Variants in ARFGEF2 observed in about 807,000 individuals in gnomAD.
ARFGEF2 encodes the protein brefeldin A-inhibited guanine nucleotide-exchange protein 2.
ARFGEF2 carries 74 observed loss-of-function variants against 219.9 expected under a neutral mutation model. That is an observed-to-expected ratio of 0.34 (90% CI 0.28 to 0.41). ARFGEF2 has a LOEUF of 0.41. Among genes scored for constraint, ARFGEF2 ranks in the 10% least tolerant of loss-of-function variants. The pLI is 1.00. For synonymous variants in ARFGEF2, 733 were observed against 799.2 expected, an observed-to-expected ratio of 0.92 and a Z score of 1.40; for missense variants, 1,743 against 2,218.3, an observed-to-expected ratio of 0.79 and a Z score of 4.30.
At chr20:49,016,174 C>T (rs2091528559) in intron 30 of ARFGEF2, 106 bp from the exon 31 acceptor site, 13 of 1,152,124 alleles carry the variant, frequency 1.1e-5, no homozygotes, top group Non-Finnish European at 1.4e-5. Context: ...ATTCTTGATA[C>T]ATATCACCAA....
chr20:48,988,453 ATGT>A, intron 17 of ARFGEF2, 35 bp from the exon 18 acceptor site: 1 of 1,610,366 alleles, frequency 6.2e-7, no homozygotes, highest in East Asian at 2.2e-5. Context: ...GGGCAATTGG[ATGT>A]TTTTTAAATG....
At chr20:48,942,586 G>A (rs1321826058) in intron 3 of ARFGEF2, among the ~76,000 whole-genome samples, 1 of 149,532 alleles carries the variant, frequency 6.7e-6, no homozygotes, top group Non-Finnish European at 1.5e-5. Context: ...TCGGGTTCAA[G>A]GGATTCTCCT....
Position 49,025,316 on chromosome 20 carries a change from G to A in ARFGEF2, c.4759G>A (p.Asp1587Asn), listed in dbSNP as rs778490868. The A allele has an allele frequency of 1.2e-6, 2 of 1,609,738 alleles. No homozygotes were observed. Among genetic ancestry groups the A allele is most frequent in the South Asian group, 1.1e-5 (1 of 90,278 alleles). ...DAEHMVAAQQ[D>N]TLDADIHIET... ...TATCCTCTGTCCTGTCCTCTAGCAAGACACGCTGGATGCAGATATCCACAT... is the reference window on the plus strand; with the variant it reads ...TATCCTCTGTCCTGTCCTCTAGCAAAACACGCTGGATGCAGATATCCACAT... Residue 1587 changes from aspartate to asparagine, a missense_variant, in exon 36 of 39, where the codon GAC becomes AAC. Coordinates refer to ENST00000371917, the MANE Select transcript of ARFGEF2 (RefSeq NM_006420.3).
chr20:48,974,938 A>G (rs1159503166), intron 13 of ARFGEF2, 64 bp downstream of exon 13: 1 of 1,325,676 alleles, frequency 7.5e-7, no homozygotes, highest in Non-Finnish European at 1.1e-6. Flanking sequence ...TGCTAGGAAC[A>G]GTTGTCTTAG....
At chr20:48,974,073 T>C (rs1031895912) in intron 12 of ARFGEF2, among the ~76,000 whole-genome samples, 2 of 152,004 alleles carry the variant, frequency 1.3e-5, no homozygotes, top group African/African-American at 4.8e-5. Flanking sequence ...TTCTCCTTTT[T>C]TTCAGTCACT....
intron 30 of ARFGEF2, among the ~76,000 whole-genome samples, chr20:49,014,384 T>C (rs2091518224): frequency 6.6e-6 from 1 of 152,080 alleles, no homozygotes; most frequent in Non-Finnish European, 1.5e-5. Flanking sequence ...GTTTGATGCC[T>C]GTAGGTATTT....
rs138406364 is a variant in ARFGEF2, at chr20:48,931,481, T to C, written c.121+9471T>C. On this transcript the variant is annotated intron_variant, in intron 1 of 38. Transcript: ENST00000371917. ...AAGGCAGATAGTAAATGAACTGATA[T>C]ATAATATGTCAAGGGTGATAAATAC... 2.2e-3 allele frequency among the ~76,000 whole-genome samples: 338 copies of C among 152,220 alleles called. 1 individual carries two copies. Among genetic ancestry groups the C allele is most frequent in the African/African-American group, 7.9e-3 (330 of 41,536 alleles).
At chr20:49,023,910 A>G (rs979925429) in intron 35 of ARFGEF2, among the ~76,000 whole-genome samples, 6 of 152,040 alleles carry the variant, frequency 3.9e-5, no homozygotes, top group Admixed American at 2.0e-4. Context: ...TCCTTCAAGA[A>G]TTTCGCTTTT....
intron 1 of ARFGEF2, among the ~76,000 whole-genome samples, chr20:48,927,705 AAAAT>A (rs1378662367): frequency 6.6e-6 from 1 of 152,090 alleles, no homozygotes; most frequent in Non-Finnish European, 1.5e-5. Context: ...AAAAAATTAA[AAAAT>A]AAATAAATAA....
intron 26 of ARFGEF2, among the ~76,000 whole-genome samples, chr20:49,009,524 C>T (rs1012640464): frequency 2.0e-5 from 3 of 151,908 alleles, no homozygotes; most frequent in Non-Finnish European, 4.4e-5. Context: ...ATAGTACTAT[C>T]GAAGCAGTAG....
rs946002339 is a variant in ARFGEF2 at position 49,023,265 on chromosome 20, C to T, written c.4755+84C>T. 3.8e-6 allele frequency: 6 copies of T among 1,559,930 alleles called. No homozygotes were observed. In the Admixed American group the frequency reaches 8.9e-5, roughly 23 times the overall value. On this transcript the variant is annotated intron_variant, in intron 35 of 38. Coordinates refer to ENST00000371917, the MANE Select transcript of ARFGEF2 (RefSeq NM_006420.3). ...AGTGGTGTGCGGAAGCCAGCTTGTA[C>T]TGGCTTTCCAGAGCCTGTCATGCTC... is the stretch of plus-strand genomic sequence containing the variant.
intron 1 of ARFGEF2, among the ~76,000 whole-genome samples, chr20:48,924,380 C>T (rs1480966204): frequency 6.6e-6 from 1 of 151,996 alleles, no homozygotes; most frequent in Non-Finnish European, 1.5e-5. Context: ...GGCGCTGTGG[C>T]GGGCACCTGT....
At chr20:48,928,192 CTTTTTTTTTTTTTTTTTT>C (rs747462352) in intron 1 of ARFGEF2, among the ~76,000 whole-genome samples, 1 of 104,768 alleles carries the variant, frequency 9.5e-6, no homozygotes, top group African/African-American at 3.9e-5. Flanking sequence ...GTGTTGCAAT[CTTTTTTTTTTTTTTTTTT>C]TTTTTTGAGA....
chr20:49,028,464 A>G (rs2091615940), intron 36 of ARFGEF2, 66 bp from the exon 37 acceptor site: 1 of 1,297,044 alleles, frequency 7.7e-7, no homozygotes, highest in African/African-American at 1.9e-5. Flanking sequence ...CTAGATTTCT[A>G]GTCATACACA....
chr20:48,998,593 C>T lies in ARFGEF2; in HGVS notation c.3432+88C>T, dbSNP rs972506858. ...AAAAAAAGAAGTGATAAATAATTTG[C>T]CCTGTTTTTTAGATGCCTCTAATTC... is the stretch of plus-strand genomic sequence containing the variant. On this transcript the variant is annotated intron_variant, in intron 25 of 38. Coordinates refer to ENST00000371917, the MANE Select transcript of ARFGEF2 (RefSeq NM_006420.3). The T allele has an allele frequency of 3.4e-5, 49 of 1,451,384 alleles. No individual in the cohort carries two copies. In the Middle Eastern group the frequency reaches 1.7e-3, roughly 49 times the overall value. The allele number at this position is 1,451,384 out of a possible 1,614,324, so 89.9% of individuals were successfully genotyped here.
intron 25 of ARFGEF2, among the ~76,000 whole-genome samples, chr20:48,999,701 C>T (rs906390556): frequency 1.8e-4 from 27 of 146,070 alleles, no homozygotes; most frequent in Admixed American, 1.7e-3. Flanking sequence ...GAGCTGAGAT[C>T]GTGCCACTGC....
At chr20:48,985,639 C>G (rs1193882070) in intron 16 of ARFGEF2, 26 bp downstream of exon 16, 2 of 1,611,132 alleles carry the variant, frequency 1.2e-6, no homozygotes, top group Admixed American at 1.7e-5. Context: ...GAGTCCCTTC[C>G]AGATCATCTG....
chr20:48,934,895 G>C (rs910628991), intron 1 of ARFGEF2, among the ~76,000 whole-genome samples: 5 of 152,140 alleles, frequency 3.3e-5, no homozygotes, highest in African/African-American at 4.8e-5. Context: ...GGGTCAAATG[G>C]TATTCCTCAT....
chr20:48,998,349 C>T lies in ARFGEF2; in HGVS notation c.3276C>T (p.Arg1092=). ...LDGNAIVDFV[R]WLCAVSMDEL... ...TCTGGCCTGTAGTTGACTTTGTCCG[C>T]TGGCTGTGTGCTGTGTCCATGGATG... Residue 1092 remains arginine (R), a synonymous_variant, in exon 25 of 39, where the codon CGC becomes CGT. Transcript: ENST00000371917. 1 of 1,614,168 alleles carries T rather than the reference C, an allele frequency of 6.2e-7. No homozygotes were observed.
Sources: allele counts gnomAD v4.1 joint callset (sites outside exome capture counted in the v4.1 genomes callset), GRCh38; gene constraint gnomAD v4.1.1; transcripts MANE v1.5; gene names NCBI Gene and HGNC (gene_info 2026-07-23, HGNC 2026-07-21).